The following PREX2 variants were observed in gnomAD, a reference collection of about 807,000 sequenced individuals.
PREX2 encodes phosphatidylinositol-3,4,5-trisphosphate dependent Rac exchange factor 2, also known as phosphatidylinositol 3,4,5-trisphosphate-dependent Rac exchanger 2 protein.
PREX2 carries 107 observed loss-of-function variants against 203.2 expected under a neutral mutation model. That is an observed-to-expected ratio of 0.53 (90% CI 0.45 to 0.62). The LOEUF (loss-of-function observed/expected upper bound fraction) is 0.62. Among genes scored for constraint, PREX2 ranks in the 20% least tolerant of loss-of-function variants. PREX2 has a pLI of 0.00. For synonymous variants in PREX2, 672 were observed against 663.6 expected (o/e 1.01, Z -0.19); for missense variants, 1,777 against 1,955.9 (o/e 0.91, Z 1.72).
At chr8:68,115,116 C>T (rs1810624834) in intron 25 of PREX2, among the ~76,000 whole-genome samples, 1 of 150,116 alleles carries the variant, frequency 6.7e-6, no homozygotes, top group Non-Finnish European at 1.5e-5. Context: ...CAACCTCCGC[C>T]TCCTGGGTTC....
intron 1 of PREX2, among the ~76,000 whole-genome samples, chr8:67,960,249 C>A (rs1244091612): frequency 6.6e-6 from 1 of 152,110 alleles, no homozygotes; most frequent in East Asian, 1.9e-4. Flanking sequence ...ACCGTGTTGT[C>A]CAGGCTGGTC....
chr8:68,077,039 A>G (rs1164610418), intron 14 of PREX2, among the ~76,000 whole-genome samples: 46 of 152,190 alleles, frequency 3.0e-4, no homozygotes, highest in Admixed American at 2.9e-3. Context: ...AGTGTTGTCA[A>G]TTTACAGGAT....
chr8:68,041,220 A>G (rs548920162), intron 7 of PREX2, among the ~76,000 whole-genome samples: 1 of 152,196 alleles, frequency 6.6e-6, no homozygotes, highest in Non-Finnish European at 1.5e-5. Flanking sequence ...TTAGAAAACT[A>G]TAGTCAAATA....
At chr8:68,224,282 A>C (rs1220659141) in intron 38 of PREX2, among the ~76,000 whole-genome samples, 1 of 152,144 alleles carries the variant, frequency 6.6e-6, no homozygotes, top group African/African-American at 2.4e-5. Flanking sequence ...CCCTCAAAGT[A>C]CTGGAATTAC....
chr8:68,109,737 C>A, intron 25 of PREX2, 114 bp downstream of exon 25: 1 of 828,634 alleles, frequency 1.2e-6, no homozygotes, highest in Non-Finnish European at 1.9e-6. Flanking sequence ...GAGATTTGTG[C>A]TGATTATATA....
intron 33 of PREX2, among the ~76,000 whole-genome samples, chr8:68,143,664 A>C (rs1197069192): frequency 1.3e-5 from 2 of 152,080 alleles, no homozygotes; most frequent in Non-Finnish European, 2.9e-5. Context: ...TTCTTTTGAC[A>C]ATGTCTTTTG....
intron 35 of PREX2, among the ~76,000 whole-genome samples, chr8:68,164,631 G>T (rs983298170): frequency 2.7e-5 from 4 of 147,500 alleles, no homozygotes; most frequent in African/African-American, 5.0e-5. Flanking sequence ...TGCCCAGGCG[G>T]GAGTGCAGTG....
chr8:68,102,219 A>G (rs1810287035), intron 23 of PREX2, among the ~76,000 whole-genome samples: 1 of 152,196 alleles, frequency 6.6e-6, no homozygotes, highest in African/African-American at 2.4e-5. Context: ...TCGGGAGATT[A>G]AGAATTTGCT....
chr8:68,132,319 G>A (rs977432043), intron 31 of PREX2, among the ~76,000 whole-genome samples: 3 of 151,350 alleles, frequency 2.0e-5, no homozygotes, highest in Admixed American at 6.6e-5. Flanking sequence ...AGATTTTATA[G>A]TTATCTATAA....
At chr8:68,036,835 C>T (rs1385297131) in intron 6 of PREX2, among the ~76,000 whole-genome samples, 2 of 151,836 alleles carry the variant, frequency 1.3e-5, no homozygotes, top group Admixed American at 6.6e-5. Context: ...CCTAGCTACT[C>T]GGGAGGCTGA....
rs756653868 is a variant in PREX2, at chr8:68,083,257, C to T, written c.1896C>T (p.Val632=). 2.5e-5 allele frequency: 39 copies of T among 1,590,282 alleles called. No individual in the cohort carries two copies. The highest frequency in any genetic ancestry group is 3.0e-5 in the Non-Finnish European group (35 of 1,164,080). Reference sequence around the variant, plus strand: ...TCTCTTAGATGGCTGGCATGGAAGTCGGGAAAAAGATTTTTGCTATTAATG... The same window carrying T: ...TCTCTTAGATGGCTGGCATGGAAGTTGGGAAAAAGATTTTTGCTATTAATG... ...GSNAEMAGME[V]GKKIFAINGD... is the part of the protein sequence containing the mutation. The change falls in exon 18 of 40, where the codon GTC becomes GTT. Residue 632 remains valine (V), a synonymous_variant. Coordinates refer to ENST00000288368, the MANE Select transcript of PREX2 (RefSeq NM_024870.4).
intron 30 of PREX2, among the ~76,000 whole-genome samples, chr8:68,123,345 A>T (rs1369180164): frequency 6.6e-6 from 1 of 152,100 alleles, no homozygotes; most frequent in East Asian, 1.9e-4. Flanking sequence ...AGCAAGAGAA[A>T]ATCAAACCCA....
intron 23 of PREX2, chr8:68,103,671 A>G (rs1432166752): frequency 1.9e-6 from 1 of 519,366 alleles, no homozygotes; most frequent in South Asian, 1.4e-5. Flanking sequence ...TATTTTGCCA[A>G]AGTCTATTGA....
At chr8:68,021,690 A>G (rs1396342985) in intron 3 of PREX2, among the ~76,000 whole-genome samples, 1 of 152,198 alleles carries the variant, frequency 6.6e-6, no homozygotes, top group African/African-American at 2.4e-5. Context: ...TTCAGTTTTC[A>G]TAAATAACAG....
At chr8:68,058,728 C>G (rs1368750348) in intron 10 of PREX2, among the ~76,000 whole-genome samples, 1 of 152,150 alleles carries the variant, frequency 6.6e-6, no homozygotes, top group African/African-American at 2.4e-5. Flanking sequence ...AGCCACTTTG[C>G]CCGGCCCGAC....
intron 38 of PREX2, among the ~76,000 whole-genome samples, chr8:68,223,047 T>C (rs1229808276): frequency 6.6e-6 from 1 of 152,128 alleles, no homozygotes; most frequent in Non-Finnish European, 1.5e-5. Flanking sequence ...CGAAAGGCAA[T>C]ATGGGATCCT....
intron 37 of PREX2, among the ~76,000 whole-genome samples, chr8:68,206,343 CT>C (rs1384988173): frequency 6.6e-6 from 1 of 152,174 alleles, no homozygotes; most frequent in Non-Finnish European, 1.5e-5. Context: ...GAAATCTGTG[CT>C]TTTGATAGCG....
rs1198671750 is a variant in PREX2 at position 68,233,082 on chromosome 8, A to C, written c.*1704A>C. ...TAATAATAATTGTTATTTGGCACAG[A>C]AGCTCTAGAGACTTTTGTGAGAAGT... On this transcript the variant is annotated 3_prime_UTR_variant, in exon 40 of 40. Coordinates refer to ENST00000288368, the MANE Select transcript of PREX2 (RefSeq NM_024870.4). 5 of 152,222 alleles carry C rather than the reference A, an allele frequency of 3.3e-5. No individual in the cohort carries two copies. Among genetic ancestry groups the C allele is most frequent in the Non-Finnish European group, 7.3e-5 (5 of 68,032 alleles). The allele number at this position is 152,222 out of a possible 1,614,324, so 9.4% of individuals were successfully genotyped here.
chr8:68,092,139 G>T (rs12549798), intron 20 of PREX2, among the ~76,000 whole-genome samples: 63,623 of 151,832 alleles, frequency 0.42, 13,525 homozygotes, highest in African/African-American at 0.49. Context: ...CTCTAACGGG[G>T]TTTTCTTTTC....
Sources: allele counts gnomAD v4.1 joint callset (sites outside exome capture counted in the v4.1 genomes callset), GRCh38; gene constraint gnomAD v4.1.1; transcripts MANE v1.5; gene names NCBI Gene and HGNC (gene_info 2026-07-23, HGNC 2026-07-21).